The following GPR137C variants were observed in gnomAD, a reference collection of about 807,000 sequenced individuals.
The protein encoded by GPR137C is G protein-coupled receptor 137C, also known as integral membrane protein GPR137C.
Under a neutral mutation model 43.4 loss-of-function variants are expected in GPR137C, and 27 were observed. That is an observed-to-expected ratio of 0.62 (90% CI 0.46 to 0.86). The LOEUF (loss-of-function observed/expected upper bound fraction) is 0.86. Among genes scored for constraint, GPR137C ranks in the 40% least tolerant of loss-of-function variants. GPR137C has a pLI of 0.00. For missense variants in GPR137C, 522 were observed against 534.6 expected, an observed-to-expected ratio of 0.98 and a Z score of 0.23; for synonymous variants, 285 against 226.9, an observed-to-expected ratio of 1.26 and a Z score of -2.30.
At chr14:52,625,821 T>C (rs1373069850) in intron 3 of GPR137C, among the ~76,000 whole-genome samples, 1 of 151,982 alleles carries the variant, frequency 6.6e-6, no homozygotes, top group African/African-American at 2.4e-5. Context: ...CCCAAAGTGC[T>C]GGAATTACAG....
Position 52,581,696 on chromosome 14 carries a change from A to G in GPR137C, c.445-16576A>G, listed in dbSNP as rs138302710. Reference sequence around the variant, plus strand: ...AGGAACTTAAGCAATTGATATGGAAATTGGATAACTGCTTCTGTGAAAATC... The same window carrying G: ...AGGAACTTAAGCAATTGATATGGAAGTTGGATAACTGCTTCTGTGAAAATC... On this transcript the variant is annotated intron_variant, in intron 1 of 6. Transcript: ENST00000321662. Among the ~76,000 whole-genome samples the G allele has an allele frequency of 2.9e-3, 443 of 152,304 alleles. 3 individuals carry two copies. The highest frequency in any genetic ancestry group is 0.01 in the African/African-American group (425 of 41,576).
chr14:52,578,204 A>G (rs2038592352), intron 1 of GPR137C, among the ~76,000 whole-genome samples: 1 of 152,182 alleles, frequency 6.6e-6, no homozygotes, highest in Non-Finnish European at 1.5e-5. Context: ...AGCCCCTTCA[A>G]CTTACTAACA....
chr14:52,635,399 T>C lies in GPR137C; in HGVS notation c.*284T>C, dbSNP rs2039342250. On this transcript the variant is annotated 3_prime_UTR_variant, in exon 7 of 7. Transcript: ENST00000321662. ...GGAACATCAAATGCATATGTGCACT[T>C]TTATCTTTGTTCTGAGTCACTGCAG... 3.7e-6 allele frequency: 1 copy of C among 270,592 alleles called. No homozygotes were observed. The highest frequency in any genetic ancestry group is 2.3e-5 in the African/African-American group (1 of 44,064). 16.8% of individuals were successfully genotyped at this position (270,592 alleles called of 1,614,324 possible).
At chr14:52,595,016 G>A (rs2038834525) in intron 1 of GPR137C, among the ~76,000 whole-genome samples, 1 of 152,130 alleles carries the variant, frequency 6.6e-6, no homozygotes, top group Non-Finnish European at 1.5e-5. Flanking sequence ...AGGCCTGGTG[G>A]AGACAAAATC....
Position 52,620,670 on chromosome 14 carries a change from G to A in GPR137C, c.718-11490G>A, listed in dbSNP as rs780895682. On this transcript the variant is annotated intron_variant, in intron 3 of 6. Coordinates refer to ENST00000321662, the MANE Select transcript of GPR137C (RefSeq NM_001099652.2). ...GACAAAGCATTTATAATATGCTCAA[G>A]GGCTTGAAGGAAAATACACTTGGAT... is the stretch of plus-strand genomic sequence containing the variant. 1.3e-3 allele frequency among the ~76,000 whole-genome samples: 202 copies of A among 150,558 alleles called. 1 individual carries two copies. The highest frequency in any genetic ancestry group is 1.3e-3 in the Non-Finnish European group (86 of 67,608).
chr14:52,577,755 G>A (rs1170332365), intron 1 of GPR137C, among the ~76,000 whole-genome samples: 2 of 147,014 alleles, frequency 1.4e-5, no homozygotes, highest in South Asian at 2.2e-4. Context: ...TTGAACCCAG[G>A]AGTTTGAGAC....
intron 3 of GPR137C, among the ~76,000 whole-genome samples, chr14:52,625,439 A>G (rs2039211681): frequency 7.0e-6 from 1 of 143,442 alleles, no homozygotes; most frequent in Non-Finnish European, 1.5e-5. Flanking sequence ...CCAAGATTGC[A>G]CTACTGCACT....
intron 3 of GPR137C, among the ~76,000 whole-genome samples, chr14:52,621,554 A>G (rs1398898555): frequency 6.6e-6 from 1 of 151,860 alleles, no homozygotes; most frequent in Admixed American, 6.6e-5. Flanking sequence ...CAAAACAAAA[A>G]TCACGTAATA....
chr14:52,623,662 A>C (rs1161965849), intron 3 of GPR137C, among the ~76,000 whole-genome samples: 1 of 31,172 alleles, frequency 3.2e-5, no homozygotes, highest in Admixed American at 3.0e-4. Context: ...GCTTACTGAA[A>C]GAGGCTTCAT....
At chr14:52,592,673 A>G (rs746932086) in intron 1 of GPR137C, among the ~76,000 whole-genome samples, 6 of 152,140 alleles carry the variant, frequency 3.9e-5, no homozygotes, top group Non-Finnish European at 8.8e-5. Flanking sequence ...ATTTTTGCAC[A>G]TTGATTTTGT....
intron 3 of GPR137C, among the ~76,000 whole-genome samples, chr14:52,610,261 A>C (rs2039024456): frequency 6.6e-6 from 1 of 152,172 alleles, no homozygotes; most frequent in South Asian, 2.1e-4. Flanking sequence ...TAAAGTATAA[A>C]CCAGGAAAGG....
rs578109742 is a variant in GPR137C at position 52,610,695 on chromosome 14, G to A, written c.717+10354G>A. Among the ~76,000 whole-genome samples, 97 of 152,220 alleles carry A rather than the reference G, an allele frequency of 6.4e-4. 2 individuals carry two copies. In the South Asian group the frequency reaches 0.014, roughly 21 times the overall value. ...GAGGGGACGACTGTAGTAGATGTTC[G>A]GTAAATATTTGTTGAATAAATACAT... On this transcript the variant is annotated intron_variant, in intron 3 of 6. Transcript: ENST00000321662.
At chr14:52,603,199 T>A (rs886716863) in intron 3 of GPR137C, among the ~76,000 whole-genome samples, 8 of 152,180 alleles carry the variant, frequency 5.3e-5, no homozygotes, top group African/African-American at 1.9e-4. Context: ...ATGTAGTATA[T>A]TTGTCTTTCT....
At chr14:52,618,047 CT>C (rs2039119413) in intron 3 of GPR137C, among the ~76,000 whole-genome samples, 1 of 152,012 alleles carries the variant, frequency 6.6e-6, no homozygotes, top group Non-Finnish European at 1.5e-5. Context: ...CAAAATTTGA[CT>C]GGAGAGGGGT....
chr14:52,597,488 A>G (rs2038870580), intron 1 of GPR137C, among the ~76,000 whole-genome samples: 1 of 152,194 alleles, frequency 6.6e-6, no homozygotes, highest in African/African-American at 2.4e-5. Context: ...ACTCTACTTC[A>G]ATAGTCCTGT....
At chr14:52,604,044 C>T (rs1192718347) in intron 3 of GPR137C, among the ~76,000 whole-genome samples, 1 of 152,000 alleles carries the variant, frequency 6.6e-6, no homozygotes, top group East Asian at 1.9e-4. Context: ...TAACTGTTGG[C>T]CATTTGTATG....
At chr14:52,622,811 C>A (rs1039650312) in intron 3 of GPR137C, among the ~76,000 whole-genome samples, 1 of 152,092 alleles carries the variant, frequency 6.6e-6, no homozygotes, top group Admixed American at 6.5e-5. Flanking sequence ...TACACATGTA[C>A]TCTAGGGTTT....
intron 3 of GPR137C, among the ~76,000 whole-genome samples, chr14:52,618,918 G>T (rs951908482): frequency 1.3e-5 from 2 of 151,932 alleles, no homozygotes; most frequent in Non-Finnish European, 2.9e-5. Context: ...TATATATCTG[G>T]CCAGGGACAT....
chr14:52,557,799 A>G (rs772166602), intron 1 of GPR137C, among the ~76,000 whole-genome samples: 26 of 152,330 alleles, frequency 1.7e-4, no homozygotes, highest in Non-Finnish European at 2.9e-4. Flanking sequence ...TTGTGATACT[A>G]TTGTATAGCT....
Sources: gnomAD v4.1 joint callset for allele counts (sites outside exome capture counted in the v4.1 genomes callset) on GRCh38, gnomAD v4.1.1 for gene constraint, MANE v1.5 for transcripts, NCBI Gene and HGNC (gene_info 2026-07-23, HGNC 2026-07-21) for gene names.